The following LEPROTL1 variants were observed in gnomAD, a reference collection of about 807,000 sequenced individuals.
LEPROTL1 encodes the protein leptin receptor overlapping transcript-like 1.
In LEPROTL1, 6 loss-of-function variants were observed where a neutral mutation model predicts 15.4. That is an observed-to-expected ratio of 0.39 (90% CI 0.21 to 0.77). The LOEUF is 0.77. Ranked by LOEUF, LEPROTL1 falls within the 30% of genes least tolerant of loss-of-function variation. The pLI, the probability that LEPROTL1 is intolerant of heterozygous loss-of-function variation, is 0.41. For missense variants in LEPROTL1, 128 were observed against 158.1 expected (o/e 0.81, Z 1.02); for synonymous variants, 56 against 52.6 (o/e 1.06, Z -0.28).
At chr8:30,137,127 C>G (rs1159320373) in intron 4 of LEPROTL1, 1 of 678,760 alleles carries the variant, frequency 1.5e-6, no homozygotes, top group African/African-American at 1.8e-5. Flanking sequence ...CCAAGTGACC[C>G]TGAAGCCAAT....
chr8:30,115,870 A>G (rs1236416239), intron 3 of LEPROTL1, among the ~76,000 whole-genome samples: 1 of 152,188 alleles, frequency 6.6e-6, no homozygotes, highest in East Asian at 1.9e-4. Context: ...CAGGTAGTAC[A>G]TATGAAAATG....
intron 3 of LEPROTL1, among the ~76,000 whole-genome samples, chr8:30,122,756 C>T (rs1301150580): frequency 6.6e-6 from 1 of 152,190 alleles, no homozygotes; most frequent in African/African-American, 2.4e-5. Context: ...GATCGCGCCA[C>T]TGCACTGCAG....
chr8:30,130,241 A>T (rs1802981115), intron 3 of LEPROTL1, among the ~76,000 whole-genome samples: 1 of 152,204 alleles, frequency 6.6e-6, no homozygotes, highest in Non-Finnish European at 1.5e-5. Flanking sequence ...ACAGAACACA[A>T]ATACAAAGTT....
At position 30,095,899 on chromosome 8, in the gene LEPROTL1, C is replaced by T. The variant is rs1349602219; in HGVS notation, c.16+371C>T. Reference sequence around the variant, plus strand: ...GCATCCGAGAGAGAGGCAGGCAGAGCGTGGGATTGAGAAGGCTGAGGCTGC... The same window carrying T: ...GCATCCGAGAGAGAGGCAGGCAGAGTGTGGGATTGAGAAGGCTGAGGCTGC... On this transcript the variant is annotated intron_variant, in intron 1 of 3. Coordinates refer to ENST00000321250, the MANE Select transcript of LEPROTL1 (RefSeq NM_015344.3). 6.9e-5 allele frequency: 48 copies of T among 699,202 alleles called. 1 individual carries two copies. The Admixed American group carries it at 9.3e-4, about 14-fold the overall frequency. 43.3% of individuals were successfully genotyped at this position (699,202 alleles called of 1,614,324 possible). A position where few individuals can be genotyped will look rare whatever the true frequency, so the allele number is the denominator to read the frequency against.
chr8:30,104,497 A>T lies in LEPROTL1; in HGVS notation c.279+11A>T. On this transcript the variant is annotated intron_variant, in intron 3 of 3. Transcript: ENST00000321250. ...GCCAGAGCACATCTGGTAAGTGAATATATTCTTCCATTAATGATTTTATAT... is the reference window on the plus strand; with the variant it reads ...GCCAGAGCACATCTGGTAAGTGAATTTATTCTTCCATTAATGATTTTATAT... 6.5e-7 allele frequency: 1 copy of T among 1,526,770 alleles called. No individual in the cohort carries two copies. The highest frequency in any genetic ancestry group is 1.3e-5 in the South Asian group (1 of 77,246). The allele number at this position is 1,526,770 out of a possible 1,614,324, so 94.6% of individuals were successfully genotyped here.
rs1233033283 is a variant in LEPROTL1, at chr8:30,099,597, T to TC, written c.17-2301_17-2300insC. Reference sequence around the variant, plus strand: ...ATCCTGGCGACAGCGCAAGACTCCATTTAAAAAAAAAAAAAAAAAAAAAAA... The same window carrying TC: ...ATCCTGGCGACAGCGCAAGACTCCATCTTAAAAAAAAAAAAAAAAAAAAAAA... On this transcript the variant is annotated intron_variant, in intron 1 of 3. Coordinates refer to ENST00000321250, the MANE Select transcript of LEPROTL1 (RefSeq NM_015344.3). Among the ~76,000 whole-genome samples, 92 of 13,064 alleles carry TC rather than the reference T, an allele frequency of 7.0e-3. 19 individuals are homozygous for TC. The South Asian group carries it at 0.16, about 22-fold the overall frequency. 8.6% of individuals were successfully genotyped at this position (13,064 alleles called of 152,430 possible).
downstream of LEPROTL1, chr8:30,137,945 T>C (rs1803183408): frequency 4.9e-6 from 1 of 205,808 alleles, no homozygotes; most frequent in Admixed American, 5.3e-5. Context: ...TTGAGATGTT[T>C]TGTAGACCCT....
In LEPROTL1 at chr8:30,105,952, G is replaced by T; in HGVS notation, c.*90G>T. 5.2e-6 allele frequency: 7 copies of T among 1,353,560 alleles called. No individual in the cohort carries two copies. The highest frequency in any genetic ancestry group is 6.7e-6 in the Non-Finnish European group (7 of 1,040,430). The allele number at this position is 1,353,560 out of a possible 1,614,324, so 83.8% of individuals were successfully genotyped here. Reference sequence around the variant, plus strand: ...GAGATGGGGCAGTTAATGCTGAATGGTATAGCAAGCCTCTTGGGGGTATTT... The same window carrying T: ...GAGATGGGGCAGTTAATGCTGAATGTTATAGCAAGCCTCTTGGGGGTATTT... On this transcript the variant is annotated 3_prime_UTR_variant, in exon 4 of 4. Transcript: ENST00000321250.
At chr8:30,103,741 C>CA (rs200908304) in intron 2 of LEPROTL1, among the ~76,000 whole-genome samples, 3,158 of 88,876 alleles carry the variant, frequency 0.036, 106 homozygotes, top group African/African-American at 0.11. Flanking sequence ...GACTCTGTCT[C>CA]AAAAAAAAAA....
intron 2 of LEPROTL1, 79 bp downstream of exon 2, chr8:30,102,052 C>CAG: frequency 2.4e-6 from 2 of 825,528 alleles, no homozygotes; most frequent in Non-Finnish European, 3.9e-6. Context: ...TGTTTTTTTA[C>CAG]TACTGTAAAA....
At chr8:30,123,646 C>G (rs1461764661) in intron 3 of LEPROTL1, among the ~76,000 whole-genome samples, 1 of 152,162 alleles carries the variant, frequency 6.6e-6, no homozygotes, top group African/African-American at 2.4e-5. Flanking sequence ...ATACAAACCT[C>G]AAGTATGAAG....
chr8:30,108,873 C>A (rs981287514), downstream of LEPROTL1, among the ~76,000 whole-genome samples: 3 of 152,026 alleles, frequency 2.0e-5, no homozygotes, highest in African/African-American at 7.2e-5. Context: ...AGTTATCGCC[C>A]TGCCGCTCAG....
chr8:30,095,998 G>A (rs1268260517), intron 1 of LEPROTL1: 1 of 636,328 alleles, frequency 1.6e-6, no homozygotes, highest in Non-Finnish European at 2.9e-6. Flanking sequence ...CGCTGCACGG[G>A]TCTGCCCGAA....
chr8:30,137,303 G>C lies in LEPROTL1; in HGVS notation c.426G>C (p.Gly142=), dbSNP rs758784299. ...CGCCTACCCTTCTTCAGCAAGATGG[G>C]AACAGCTGAGTCTGAAGGAAGAGAA... is the stretch of plus-strand genomic sequence containing the variant. Residue 142 remains glycine (G), a synonymous_variant, in exon 5 of 5, where the codon GGG becomes GGC. Transcript: ENST00000442880. 1.8e-5 allele frequency: 28 copies of C among 1,551,658 alleles called. No individual in the cohort carries two copies. In the South Asian group the frequency reaches 2.7e-4, roughly 15 times the overall value.
downstream of LEPROTL1, among the ~76,000 whole-genome samples, chr8:30,110,123 C>T (rs1802632504): frequency 6.6e-6 from 1 of 152,142 alleles, no homozygotes. Context: ...TTACAAGAAA[C>T]TTTATACTGT....
intron 3 of LEPROTL1, among the ~76,000 whole-genome samples, chr8:30,131,281 T>TAG (rs1407108177): frequency 2.1e-5 from 1 of 48,500 alleles, no homozygotes; most frequent in African/African-American, 4.0e-5. Flanking sequence ...TGTGTGTGTA[T>TAG]ATATATATAT....
intron 4 of LEPROTL1, among the ~76,000 whole-genome samples, chr8:30,135,148 TC>T (rs1177201146): frequency 6.6e-6 from 1 of 150,456 alleles, no homozygotes; most frequent in Non-Finnish European, 1.5e-5. Context: ...CACCTCAGCC[TC>T]CCAAAGGGCT....
chr8:30,137,648 A>G (rs2117543918), exon 5 of LEPROTL1: 6 of 642,962 alleles, frequency 9.3e-6, no homozygotes, highest in Middle Eastern at 8.6e-4. Context: ...GACCTAACCA[A>G]CTCCATCTTG....
At chr8:30,130,038 C>T (rs1165217268) in intron 3 of LEPROTL1, among the ~76,000 whole-genome samples, 1 of 152,130 alleles carries the variant, frequency 6.6e-6, no homozygotes, top group Non-Finnish European at 1.5e-5. Context: ...AATCGCCTCC[C>T]ACCAGGCCCC....
Sources: gnomAD v4.1 joint callset for allele counts (sites outside exome capture counted in the v4.1 genomes callset) on GRCh38, gnomAD v4.1.1 for gene constraint, MANE v1.5 for transcripts, NCBI Gene and HGNC (gene_info 2026-07-23, HGNC 2026-07-21) for gene names.